DGCR2: variants seen among roughly 807,000 people sequenced by gnomAD.
DGCR2 encodes DiGeorge syndrome critical region gene 2, also known as integral membrane protein DGCR2/IDD.
A neutral mutation model predicts 51.6 loss-of-function variants in DGCR2; 24 were observed. That is an observed-to-expected ratio of 0.47 (90% CI 0.34 to 0.65). The LOEUF (loss-of-function observed/expected upper bound fraction) is 0.65, where lower values mean the gene tolerates loss of function less well. Among genes scored for constraint, DGCR2 ranks in the 30% least tolerant of loss-of-function variants. The pLI is 0.01. For synonymous variants in DGCR2, 340 were observed against 315.4 expected, an observed-to-expected ratio of 1.08 and a Z score of -0.82; for missense variants, 765 against 772.1, an observed-to-expected ratio of 0.99 and a Z score of 0.11.
In DGCR2 at chr22:19,038,967, C is replaced by G. The variant is rs34852650; in HGVS notation, c.1551G>C (p.Leu517=). ...TCTGGGCAGGGTCAGGGGGCACGAG[C>G]AGGGCGCTGCTGCTGTCGGCAGAGT... ...LEDSADSSSA[L]LVPPDPAQSG... Residue 517 remains leucine, a synonymous_variant, in exon 10 of 10, where the codon CTG becomes CTC. Coordinates refer to ENST00000263196, the MANE Select transcript of DGCR2 (RefSeq NM_005137.3). The G allele has an allele frequency of 0.016, 25,816 of 1,611,720 alleles. 527 individuals are homozygous for G. The highest frequency in any genetic ancestry group is 0.07 in the Middle Eastern group (420 of 6,020).
intron 1 of DGCR2, among the ~76,000 whole-genome samples, chr22:19,117,685 G>C (rs186908134): frequency 2.6e-4 from 40 of 152,302 alleles, no homozygotes; most frequent in African/African-American, 8.7e-4. Context: ...GGAAGCCTCA[G>C]CAAAGGATAT....
intron 7 of DGCR2, among the ~76,000 whole-genome samples, chr22:19,043,435 T>A (rs1410745064): frequency 6.6e-6 from 1 of 152,070 alleles, no homozygotes; most frequent in Non-Finnish European, 1.5e-5. Flanking sequence ...GAAAGGAGAA[T>A]CTACCAGCCA....
intron 1 of DGCR2, among the ~76,000 whole-genome samples, chr22:19,121,332 T>C (rs143109940): frequency 8.1e-4 from 123 of 152,334 alleles, no homozygotes; most frequent in Non-Finnish European, 1.3e-3. Context: ...ATTCGAAGGC[T>C]ACTAAAAGTA....
chr22:19,063,048 C>A (rs1389477726), intron 5 of DGCR2, among the ~76,000 whole-genome samples, 154 bp downstream of exon 5: 2 of 151,982 alleles, frequency 1.3e-5, no homozygotes, highest in Non-Finnish European at 2.9e-5. Flanking sequence ...GCACTGGCCC[C>A]ATGACCGCAG....
At chr22:19,039,326 C>G (rs532630953) in intron 9 of DGCR2, among the ~76,000 whole-genome samples, 1 of 152,320 alleles carries the variant, frequency 6.6e-6, no homozygotes, top group Admixed American at 6.5e-5. Context: ...CCTACTGCCC[C>G]CTGTGGCTGG....
intron 1 of DGCR2, among the ~76,000 whole-genome samples, chr22:19,119,112 C>T (rs1214119125): frequency 2.6e-5 from 4 of 152,084 alleles, no homozygotes; most frequent in Non-Finnish European, 5.9e-5. Flanking sequence ...GACCCTGGGA[C>T]CTAACAGGGG....
chr22:19,110,059 C>T (rs5746658), intron 1 of DGCR2, among the ~76,000 whole-genome samples: 1 of 152,210 alleles, frequency 6.6e-6, no homozygotes, highest in Non-Finnish European at 1.5e-5. Flanking sequence ...AGCACATGTC[C>T]TATCATATGG....
chr22:19,102,704 A>G (rs2083216297), intron 1 of DGCR2, among the ~76,000 whole-genome samples: 1 of 151,464 alleles, frequency 6.6e-6, no homozygotes, highest in African/African-American at 2.4e-5. Context: ...TCCGTCTCAA[A>G]AAAAAAAAGG....
At chr22:19,106,888 T>C (rs2083265787) in intron 1 of DGCR2, among the ~76,000 whole-genome samples, 2 of 151,666 alleles carry the variant, frequency 1.3e-5, no homozygotes. Flanking sequence ...TTCTGAGCCA[T>C]TTCCTTCACC....
chr22:19,067,946 G>T, intron 3 of DGCR2, 154 bp downstream of exon 3: 1 of 1,062,236 alleles, frequency 9.4e-7, no homozygotes, highest in Non-Finnish European at 1.3e-6. Flanking sequence ...GGGTGACTGC[G>T]GGTGGGTCAT....
At chr22:19,114,911 G>A (rs2083357573) in intron 1 of DGCR2, among the ~76,000 whole-genome samples, 1 of 152,220 alleles carries the variant, frequency 6.6e-6, no homozygotes, top group Non-Finnish European at 1.5e-5. Flanking sequence ...AACAGCTGAA[G>A]GATGACAGAC....
At position 19,041,088 on chromosome 22, in the gene DGCR2, G is replaced by T. The variant is rs758583945; in HGVS notation, c.1366C>A (p.His456Asn). The T allele has an allele frequency of 2.5e-6, 4 of 1,611,282 alleles. No individual in the cohort carries two copies. The East Asian group carries it at 8.9e-5, about 36-fold the overall frequency. ...GGGTCATAGAACACACTGTCCGGGT[G>T]GATGGAGGCCTCGTAGGGCGGCGGA... ...DPPPPYEASI[H>N]PDSVFYDPAD... The change falls in exon 9 of 10, where the codon CAC becomes AAC. Residue 456 changes from histidine to asparagine, a missense_variant. Transcript: ENST00000263196.
At chr22:19,052,140 G>A (rs2082554689) in intron 6 of DGCR2, among the ~76,000 whole-genome samples, 1 of 152,182 alleles carries the variant, frequency 6.6e-6, no homozygotes, top group Non-Finnish European at 1.5e-5. Context: ...TTTGCAGCCA[G>A]GCGTGGTGGC....
intron 1 of DGCR2, 55 bp downstream of exon 1, chr22:19,122,073 G>T: frequency 3.8e-6 from 5 of 1,331,840 alleles, no homozygotes; most frequent in Non-Finnish European, 4.9e-6. Flanking sequence ...GTCCCGGGGC[G>T]ACCCCGGCCC....
chr22:19,049,491 G>A (rs1305973967), intron 6 of DGCR2, among the ~76,000 whole-genome samples: 1 of 152,048 alleles, frequency 6.6e-6, no homozygotes. Flanking sequence ...CTAGAAAAAA[G>A]ACTCTTCCGA....
intron 2 of DGCR2, among the ~76,000 whole-genome samples, chr22:19,072,632 G>A (rs2082827488): frequency 6.6e-6 from 1 of 151,814 alleles, no homozygotes; most frequent in Admixed American, 6.6e-5. Context: ...CCAGCACTTT[G>A]GGAGGCCCGA....
intron 1 of DGCR2, among the ~76,000 whole-genome samples, chr22:19,104,528 T>G (rs2083241545): frequency 6.6e-6 from 1 of 152,178 alleles, no homozygotes; most frequent in Non-Finnish European, 1.5e-5. Flanking sequence ...TGTCCACAGT[T>G]ACATCACTAA....
chr22:19,067,049 C>T (rs1191754445), intron 3 of DGCR2, among the ~76,000 whole-genome samples: 1 of 152,210 alleles, frequency 6.6e-6, no homozygotes, highest in African/African-American at 2.4e-5. Context: ...CACCAACATG[C>T]GTGACCACCT....
At chr22:19,054,977 G>A (rs1045010534) in intron 6 of DGCR2, among the ~76,000 whole-genome samples, 1 of 152,124 alleles carries the variant, frequency 6.6e-6, no homozygotes, top group Non-Finnish European at 1.5e-5. Context: ...TTAGCCAGGC[G>A]TGGTGGCACA....
Sources: gnomAD v4.1 joint callset for allele counts (sites outside exome capture counted in the v4.1 genomes callset) on GRCh38, gnomAD v4.1.1 for gene constraint, MANE v1.5 for transcripts, NCBI Gene and HGNC (gene_info 2026-07-23, HGNC 2026-07-21) for gene names.